MKLN1: variants seen among roughly 807,000 people sequenced by gnomAD.
MKLN1 encodes muskelin.
Under a neutral mutation model 99.0 loss-of-function variants are expected in MKLN1, and 18 were observed. That is an observed-to-expected ratio of 0.18 (90% confidence interval 0.13 to 0.27). The LOEUF is 0.27. Among genes scored for constraint, MKLN1 ranks in the 10% least tolerant of loss-of-function variants. The pLI is 1.00. For synonymous variants in MKLN1, 288 were observed against 293.2 expected (o/e 0.98, Z 0.18); for missense variants, 621 against 875.9 (o/e 0.71, Z 3.67).
intron 12 of MKLN1, among the ~76,000 whole-genome samples, chr7:131,450,413 GA>G (rs1202074252): frequency 2.6e-5 from 4 of 152,156 alleles, no homozygotes; most frequent in Non-Finnish European, 5.9e-5. Flanking sequence ...TGCTAGTGAA[GA>G]AAAGAACATA....
chr7:131,290,281 G>T (rs4728217), intron 3 of MKLN1, among the ~76,000 whole-genome samples: 3 of 152,132 alleles, frequency 2.0e-5, no homozygotes, highest in Non-Finnish European at 4.4e-5. Context: ...CTCCAAGCCT[G>T]GGCAACAAGA....
At chr7:131,463,724 C>T (rs1012619159) in intron 13 of MKLN1, among the ~76,000 whole-genome samples, 1 of 152,104 alleles carries the variant, frequency 6.6e-6, no homozygotes, top group Non-Finnish European at 1.5e-5. Flanking sequence ...AAGGAGGGGA[C>T]AGTATTACTT....
At chr7:131,455,825 C>A (rs1264238465) in intron 12 of MKLN1, among the ~76,000 whole-genome samples, 3 of 152,174 alleles carry the variant, frequency 2.0e-5, no homozygotes, top group Non-Finnish European at 4.4e-5. Context: ...GCAGGCGAAT[C>A]ACCTGAGGTC....
At chr7:131,242,492 C>A (rs994527953) in intron 3 of MKLN1, 2 of 242,204 alleles carry the variant, frequency 8.3e-6, no homozygotes, top group Non-Finnish European at 1.6e-5. Context: ...GCTGTGATTG[C>A]GCCACTGCCC....
At chr7:131,418,318 G>C (rs1354611788) in intron 8 of MKLN1, among the ~76,000 whole-genome samples, 1 of 146,874 alleles carries the variant, frequency 6.8e-6, no homozygotes, top group Non-Finnish European at 1.5e-5. Flanking sequence ...GCAGTGAGGC[G>C]AGATTGCGCC....
chr7:131,169,892 G>A (rs904020128), intron 2 of MKLN1, among the ~76,000 whole-genome samples: 2 of 152,144 alleles, frequency 1.3e-5, no homozygotes, highest in Non-Finnish European at 2.9e-5. Context: ...ACAGCTCAAC[G>A]GTGTTCTTGT....
intron 6 of MKLN1, among the ~76,000 whole-genome samples, chr7:131,406,170 C>T (rs527775245): frequency 6.6e-6 from 1 of 151,896 alleles, no homozygotes; most frequent in East Asian, 1.9e-4. Flanking sequence ...AATATTTTTG[C>T]TTTAAGGTAA....
chr7:131,397,174 C>G (rs914766727), intron 4 of MKLN1, 93 bp from the exon 5 acceptor site: 63 of 800,224 alleles, frequency 7.9e-5, no homozygotes, highest in Non-Finnish European at 7.6e-5. Flanking sequence ...TTGAATGAAT[C>G]CTTATAAGGT....
rs577564886 is a variant in MKLN1 at position 131,387,132 on chromosome 7, A to C, written c.181A>C (p.Lys61Gln). The C allele has an allele frequency of 6.3e-7, 1 of 1,594,918 alleles. No individual in the cohort carries two copies. The highest frequency in any genetic ancestry group is 2.2e-5 in the East Asian group (1 of 44,470). ...TTTCTTTTTTTAGTACTTGATTCTA[A>C]AGCTCGAAAGGCCTGCTATAGTTCA... The part of the protein sequence containing the change: ...SNYPPQYLIL[K>Q]LERPAIVQNI... The change falls in exon 3 of 18, where the codon AAG (lysine) becomes CAG (glutamine). Residue 61 changes from lysine (K) to glutamine (Q), a missense_variant. This residue lies in a region of MKLN1 where 27 missense variants were observed against 19.7 expected (regional missense o/e 1.37). Coordinates refer to ENST00000352689, the MANE Select transcript of MKLN1 (RefSeq NM_013255.5).
chr7:131,123,239 C>G (rs1003160902), intron 1 of MKLN1, among the ~76,000 whole-genome samples: 21 of 152,028 alleles, frequency 1.4e-4, no homozygotes, highest in Non-Finnish European at 2.5e-4. Flanking sequence ...TTTAGTTATA[C>G]CAAAGATCAG....
At chr7:131,249,747 A>G (rs1421141017) in intron 3 of MKLN1, among the ~76,000 whole-genome samples, 1 of 152,140 alleles carries the variant, frequency 6.6e-6, no homozygotes, top group Non-Finnish European at 1.5e-5. Flanking sequence ...CAGAGACTAG[A>G]GAGAACACGT....
chr7:131,197,266 C>T lies in MKLN1; in HGVS notation c.-296-5591C>T, dbSNP rs976096916. 2.6e-5 allele frequency among the ~76,000 whole-genome samples: 4 copies of T among 151,864 alleles called. No individual in the cohort carries two copies. In the East Asian group the frequency reaches 7.7e-4, roughly 29 times the overall value. The stretch of plus-strand genomic sequence containing the variant: ...TTGCCCAGGCTGAAGTGCAGTGGCA[C>T]AGTCATGGCTCTCTGCAGCCTTGAC... On this transcript the variant is annotated intron_variant, in intron 2 of 7. Transcript: ENST00000416992.
chr7:131,187,620 C>T (rs1415875825), intron 2 of MKLN1, among the ~76,000 whole-genome samples: 1 of 152,150 alleles, frequency 6.6e-6, no homozygotes, highest in Non-Finnish European at 1.5e-5. Flanking sequence ...CTGGCTGGCC[C>T]TTTACAGAAA....
At chr7:131,361,576 G>C (rs1246810843) in intron 1 of MKLN1, among the ~76,000 whole-genome samples, 1 of 145,728 alleles carries the variant, frequency 6.9e-6, no homozygotes, top group African/African-American at 2.5e-5. Context: ...CCAGTTTTTT[G>C]TTTCTTTTTT....
At chr7:131,447,414 G>T (rs1317104962) in intron 12 of MKLN1, among the ~76,000 whole-genome samples, 1 of 152,110 alleles carries the variant, frequency 6.6e-6, no homozygotes, top group African/African-American at 2.4e-5. Context: ...AAAATAACTA[G>T]GAGGGTCAGG....
intron 3 of MKLN1, among the ~76,000 whole-genome samples, chr7:131,234,936 C>T (rs28634752): frequency 0.1 from 15,169 of 152,072 alleles, 894 homozygotes; most frequent in African/African-American, 0.15. Context: ...TAAAGCATCC[C>T]GCAAGGCCCA....
intron 6 of MKLN1, among the ~76,000 whole-genome samples, chr7:131,403,290 C>T (rs1270749214): frequency 1.3e-5 from 2 of 152,190 alleles, no homozygotes; most frequent in East Asian, 3.8e-4. Flanking sequence ...TCCAACTTTT[C>T]TTTTGCAGTT....
At chr7:131,118,103 G>A (rs537166608) in intron 1 of MKLN1, among the ~76,000 whole-genome samples, 10 of 152,252 alleles carry the variant, frequency 6.6e-5, no homozygotes, top group Non-Finnish European at 1.2e-4. Flanking sequence ...ATGAGTTCTC[G>A]CTCAATTAGG....
chr7:131,414,076 AATACATT>A (rs1408355684), intron 7 of MKLN1, among the ~76,000 whole-genome samples: 2 of 152,234 alleles, frequency 1.3e-5, no homozygotes, highest in Non-Finnish European at 2.9e-5. Context: ...GCACAAAATT[AATACATT>A]ATACATTATA....
Sources: allele counts gnomAD v4.1 joint callset (sites outside exome capture counted in the v4.1 genomes callset), GRCh38; gene constraint gnomAD v4.1.1; regional missense constraint gnomAD v4.1.1; transcripts MANE v1.5; gene names NCBI Gene and HGNC (gene_info 2026-07-23, HGNC 2026-07-21).